EP300: variants seen among roughly 807,000 people sequenced by gnomAD.
The protein encoded by EP300 is EP300 lysine acetyltransferase, also known as histone acetyltransferase p300.
EP300 carries 31 observed loss-of-function variants against 264.0 expected under a neutral mutation model. The observed-to-expected ratio is 0.12, with a 90% CI of 0.09 to 0.16. The LOEUF is 0.16. Among genes scored for constraint, EP300 ranks in the 10% least tolerant of loss-of-function variants. EP300 has a pLI of 1.00. For missense variants in EP300, 2,766 were observed against 3,052.9 expected (o/e 0.91, Z 2.21); for synonymous variants, 1,340 against 1,045.4 (o/e 1.28, Z -5.44).
At chr22:41,165,187 T>A (rs2059127577) in intron 22 of EP300, among the ~76,000 whole-genome samples, 1 of 152,242 alleles carries the variant, frequency 6.6e-6, no homozygotes, top group Non-Finnish European at 1.5e-5. Context: ...ACAGATTTCG[T>A]AAGAATGATT....
chr22:41,178,686 C>G lies in EP300; in HGVS notation c.6975C>G (p.Ser2325=), dbSNP rs200271896. The G allele has an allele frequency of 1.2e-4, 190 of 1,614,192 alleles. 2 individuals are homozygous for G. The South Asian group carries it at 2.0e-3, about 17-fold the overall frequency. Residue 2325 remains serine, a synonymous_variant, in exon 31 of 31, where the codon TCC becomes TCG. Transcript: ENST00000263253. ...SPRPQSQPPH[S]SPSPRMQPQP... ...GGCCACAGTCCCAGCCCCCCCACTC[C>G]AGTCCTTCCCCAAGGATGCAGCCTC...
chr22:41,140,009 A>G, intron 8 of EP300, 131 bp from the exon 9 acceptor site: 1 of 703,612 alleles, frequency 1.4e-6, no homozygotes, highest in South Asian at 1.6e-5. Flanking sequence ...AGATAATTTC[A>G]TTTCAGTAAG....
intron 28 of EP300, 47 bp from the exon 29 acceptor site, chr22:41,173,576 A>C (rs2099141984): frequency 6.2e-7 from 1 of 1,603,040 alleles, no homozygotes; most frequent in African/African-American, 1.3e-5. Context: ...TTCCCAAATT[A>C]CTTAACAAAA....
chr22:41,124,519 A>G (rs1026652845), intron 2 of EP300, among the ~76,000 whole-genome samples: 1 of 151,886 alleles, frequency 6.6e-6, no homozygotes, highest in Admixed American at 6.6e-5. Context: ...AAATGAGGCC[A>G]AGCATGGTGG....
intron 4 of EP300, among the ~76,000 whole-genome samples, chr22:41,128,419 C>A (rs887347092): frequency 5.9e-5 from 9 of 152,054 alleles, no homozygotes; most frequent in Non-Finnish European, 1.3e-4. Context: ...CGACATCATA[C>A]CACTGCACTC....
chr22:41,134,597 G>A (rs1002577592), intron 6 of EP300, among the ~76,000 whole-genome samples: 1 of 152,164 alleles, frequency 6.6e-6, no homozygotes, highest in African/African-American at 2.4e-5. Flanking sequence ...GTTTCGCCAT[G>A]TGGCCCAGGC....
chr22:41,140,379 G>A (rs955506668), intron 9 of EP300, 122 bp downstream of exon 9: 11 of 786,140 alleles, frequency 1.4e-5, no homozygotes, highest in African/African-American at 3.4e-5. Flanking sequence ...TAGCTATCCC[G>A]TCTTATTGTC....
intron 1 of EP300, among the ~76,000 whole-genome samples, chr22:41,115,495 C>G (rs1023528286): frequency 1.3e-5 from 2 of 152,128 alleles, no homozygotes; most frequent in Non-Finnish European, 2.9e-5. Flanking sequence ...TGCAGTTGTG[C>G]AGTTAAAGCT....
At chr22:41,116,877 A>G (rs951135125) in intron 1 of EP300, among the ~76,000 whole-genome samples, 6 of 152,150 alleles carry the variant, frequency 3.9e-5, no homozygotes, top group African/African-American at 7.2e-5. Context: ...CCAGGTCAAC[A>G]TGGCAAGCTC....
chr22:41,131,692 AAC>A, intron 6 of EP300, 59 bp downstream of exon 6: 6 of 1,610,956 alleles, frequency 3.7e-6, no homozygotes, highest in Admixed American at 1.7e-5. Flanking sequence ...GACATCTATA[AAC>A]ACAGTGTTGT....
At chr22:41,114,824 GAAAAA>G (rs11387442) in intron 1 of EP300, among the ~76,000 whole-genome samples, 1 of 147,914 alleles carries the variant, frequency 6.8e-6, no homozygotes, top group African/African-American at 2.5e-5. Context: ...GGATTGGGAA[GAAAAA>G]AAAAAACTAC....
chr22:41,164,618 G>A (rs1288577883), intron 22 of EP300, among the ~76,000 whole-genome samples: 1 of 152,190 alleles, frequency 6.6e-6, no homozygotes, highest in African/African-American at 2.4e-5. Context: ...GGGAGGCTGA[G>A]GGAAGAGAAT....
chr22:41,126,396 A>C, intron 3 of EP300: 1 of 221,196 alleles, frequency 4.5e-6, no homozygotes, highest in Non-Finnish European at 9.1e-6. Context: ...AAGGATCCGA[A>C]CTCTCAGTGA....
chr22:41,125,096 A>G (rs1435942567), intron 2 of EP300, among the ~76,000 whole-genome samples: 1 of 139,766 alleles, frequency 7.2e-6, no homozygotes, highest in Admixed American at 7.4e-5. Context: ...ATGCCACCAC[A>G]TCCAGCTTTT....
intron 17 of EP300, 32 bp from the exon 18 acceptor site, chr22:41,157,137 T>TGAA: frequency 6.2e-7 from 1 of 1,613,508 alleles, no homozygotes; most frequent in Non-Finnish European, 8.5e-7. Context: ...TAGTGAGACT[T>TGAA]GAGTAATGTT....
At chr22:41,171,940 A>G (rs1235603782) in intron 27 of EP300, among the ~76,000 whole-genome samples, 1 of 152,156 alleles carries the variant, frequency 6.6e-6, no homozygotes, top group African/African-American at 2.4e-5. Flanking sequence ...TAACAGTATT[A>G]TGTTATTCAT....
rs762125885 is a variant in EP300 at position 41,177,645 on chromosome 22, G to T, written c.5934G>T (p.Gly1978=). The change falls in exon 31 of 31, where the codon GGG becomes GGT. Residue 1978 remains glycine, a synonymous_variant. Transcript: ENST00000263253. ...NPPPMTRGPS[G]HLEPGMGPTG... ...CTCCCATGACCAGAGGTCCCAGTGG[G>T]CATTTGGAGCCAGGGATGGGACCGA... 1 of 1,614,046 alleles carries T rather than the reference G, an allele frequency of 6.2e-7. No homozygotes were observed. The highest frequency in any genetic ancestry group is 1.6e-4 in the Middle Eastern group (1 of 6,062).
rs1315288842 is a variant in EP300 at position 41,176,232 on chromosome 22, CTG to C, written c.4780-13_4780-12del. The C allele has an allele frequency of 6.8e-6, 11 of 1,613,656 alleles. No individual in the cohort carries two copies. The Admixed American group carries it at 1.7e-4, about 24-fold the overall frequency. On this transcript the variant is annotated splice_polypyrimidine_tract_variant and intron_variant, in intron 29 of 30. Coordinates refer to ENST00000263253, the MANE Select transcript of EP300 (RefSeq NM_001429.4). ...GAGGCCCTGTCTCAAAAAAAAGAGA[CTG>C]TCTGTTTTTCAGGTCTTCTTTGTGA...
At chr22:41,107,512 G>A (rs1305669246) in intron 1 of EP300, among the ~76,000 whole-genome samples, 3 of 151,708 alleles carry the variant, frequency 2.0e-5, no homozygotes, top group Non-Finnish European at 4.4e-5. Context: ...ATTACATTTT[G>A]TGTCATAGTT....
Sources: gnomAD v4.1 joint callset for allele counts (sites outside exome capture counted in the v4.1 genomes callset) on GRCh38, gnomAD v4.1.1 for gene constraint, MANE v1.5 for transcripts, NCBI Gene and HGNC (gene_info 2026-07-23, HGNC 2026-07-21) for gene names.